The following STK32C variants were observed in gnomAD, a reference collection of about 807,000 sequenced individuals.
The protein encoded by STK32C is serine/threonine-protein kinase 32C.
STK32C carries 31 observed loss-of-function variants against 56.5 expected under a neutral mutation model. That is an observed-to-expected ratio of 0.55 (90% confidence interval 0.41 to 0.74). The LOEUF (loss-of-function observed/expected upper bound fraction) is 0.74. Ranked by LOEUF, STK32C falls within the 30% of genes least tolerant of loss-of-function variation. The pLI, the probability that STK32C is intolerant of heterozygous loss-of-function variation, is 0.00. For synonymous variants in STK32C, 309 were observed against 289.4 expected, an observed-to-expected ratio of 1.07 and a Z score of -0.69; for missense variants, 544 against 676.9, an observed-to-expected ratio of 0.80 and a Z score of 2.18.
chr10:132,330,241 G>C (rs1398056447), intron 1 of STK32C: 8 of 557,804 alleles, frequency 1.4e-5, no homozygotes, highest in Admixed American at 3.0e-5. Context: ...TGAAAAATGT[G>C]AAACAAAAAC....
intron 1 of STK32C, among the ~76,000 whole-genome samples, chr10:132,254,535 C>T (rs1454290359): frequency 6.6e-5 from 7 of 105,962 alleles, no homozygotes; most frequent in Non-Finnish European, 1.1e-4. Flanking sequence ...ATAAGCCTGC[C>T]GCAGGGTGCC....
At chr10:132,280,864 T>A (rs888671016) in intron 1 of STK32C, among the ~76,000 whole-genome samples, 5 of 109,010 alleles carry the variant, frequency 4.6e-5, no homozygotes, top group Admixed American at 2.6e-4. Flanking sequence ...GAGGCCTCCA[T>A]GCCGTGACCA....
chr10:132,224,693 G>A (rs568151011), intron 7 of STK32C, among the ~76,000 whole-genome samples, 170 bp from the exon 8 acceptor site: 1 of 152,038 alleles, frequency 6.6e-6, no homozygotes, highest in South Asian at 2.1e-4. Context: ...GCCTGGGTGA[G>A]ATAAAGCTTA....
In STK32C at chr10:132,304,264, G is replaced by A. The variant is rs564830385; in HGVS notation, c.262+3308C>T. 7.2e-5 allele frequency among the ~76,000 whole-genome samples: 11 copies of A among 152,038 alleles called. 1 individual carries two copies. The highest frequency in any genetic ancestry group is 1.9e-4 in the East Asian group (1 of 5,176). On this transcript the variant is annotated intron_variant, in intron 1 of 11. Transcript: ENST00000298630. The stretch of plus-strand genomic sequence containing the variant: ...CTGCAGAGTCGGGAATCTCAGCCTC[G>A]ACTGCTGGTAAAACTCAAGAGGGGC...
intron 7 of STK32C, 84 bp from the exon 8 acceptor site, chr10:132,224,607 T>A: frequency 9.9e-7 from 1 of 1,007,184 alleles, no homozygotes; most frequent in Non-Finnish European, 1.5e-6. Flanking sequence ...GCCATCGCCC[T>A]GAGAGGACCC....
Position 132,207,586 on chromosome 10 carries a change from C to A in STK32C, c.*424G>T. On this transcript the variant is annotated 3_prime_UTR_variant, in exon 12 of 12. Transcript: ENST00000298630. ...AAAACATTCACCTCCCCACCCACTA[C>A]CCCAACCCATGCCCTTGACCTCCAA... 5.8e-6 allele frequency: 1 copy of A among 171,160 alleles called. No individual in the cohort carries two copies. Among genetic ancestry groups the A allele is most frequent in the African/African-American group, 2.4e-5 (1 of 42,448 alleles). The allele number at this position is 171,160 out of a possible 1,614,324, so 10.6% of individuals were successfully genotyped here.
chr10:132,209,303 G>A (rs559902040), intron 10 of STK32C: 16 of 709,740 alleles, frequency 2.3e-5, no homozygotes, highest in African/African-American at 1.9e-4. Flanking sequence ...ACCCAAGCCC[G>A]AGGATGCCAA....
chr10:132,306,543 C>T (rs1296552627), intron 1 of STK32C, among the ~76,000 whole-genome samples: 1 of 152,224 alleles, frequency 6.6e-6, no homozygotes, highest in Non-Finnish European at 1.5e-5. Context: ...CACTCACCAA[C>T]GCCGGCCTGA....
chr10:132,232,230 C>A (rs938696138), intron 2 of STK32C, among the ~76,000 whole-genome samples: 10 of 152,220 alleles, frequency 6.6e-5, no homozygotes, highest in African/African-American at 2.4e-4. Context: ...CACTAGGACC[C>A]GCCCTCTGAG....
At chr10:132,225,113 G>C (rs2062837886) in intron 7 of STK32C, 120 bp downstream of exon 7, 9 of 730,930 alleles carry the variant, frequency 1.2e-5, no homozygotes, top group Non-Finnish European at 2.0e-5. Flanking sequence ...TGACTCCTCA[G>C]ACACAGTGGA....
intron 1 of STK32C, among the ~76,000 whole-genome samples, chr10:132,247,108 C>T (rs953169642): frequency 6.6e-6 from 1 of 152,210 alleles, no homozygotes; most frequent in Non-Finnish European, 1.5e-5. Flanking sequence ...ACAGCCAAGG[C>T]CAGAGGCAGA....
chr10:132,281,407 A>G (rs1290048206), intron 1 of STK32C, among the ~76,000 whole-genome samples: 1 of 152,100 alleles, frequency 6.6e-6, no homozygotes, highest in Non-Finnish European at 1.5e-5. Context: ...ACAACATAAA[A>G]CAGACAGTGC....
At chr10:132,289,515 T>C (rs1316729310) in intron 1 of STK32C, among the ~76,000 whole-genome samples, 1 of 152,220 alleles carries the variant, frequency 6.6e-6, no homozygotes, top group East Asian at 1.9e-4. Context: ...GCCACACAAA[T>C]GACTGTCTCA....
intron 10 of STK32C, among the ~76,000 whole-genome samples, chr10:132,221,853 G>A (rs2062675772): frequency 9.0e-6 from 1 of 111,694 alleles, no homozygotes; most frequent in African/African-American, 3.0e-5. Context: ...GAGTGTGAGG[G>A]CTTCACGTGG....
At chr10:132,276,274 C>T (rs2064996204) in intron 1 of STK32C, among the ~76,000 whole-genome samples, 1 of 152,308 alleles carries the variant, frequency 6.6e-6, no homozygotes, top group South Asian at 2.1e-4. Context: ...GATGAGATGC[C>T]ACCACGCCAA....
chr10:132,282,463 G>A (rs1158183696), intron 1 of STK32C, among the ~76,000 whole-genome samples: 13 of 120,436 alleles, frequency 1.1e-4, no homozygotes, highest in East Asian at 6.7e-4. Context: ...CTGTGCCTGC[G>A]CCCACCTGTA....
In STK32C at chr10:132,220,151, G is replaced by C. The variant is rs1450005738; in HGVS notation, c.1251+2490C>G. ...TTGCAGATATCATCAAGATAAGATG[G>C]GGCCATACTGGATCAGGGTGGGCCC... On this transcript the variant is annotated intron_variant, in intron 10 of 11. Transcript: ENST00000298630. 3.3e-5 allele frequency among the ~76,000 whole-genome samples: 5 copies of C among 152,354 alleles called. No individual in the cohort carries two copies. In the East Asian group the frequency reaches 7.7e-4, roughly 24 times the overall value.
chr10:132,267,366 C>A lies in STK32C; in HGVS notation c.263-21411G>T, dbSNP rs1222938977. 4.6e-5 allele frequency among the ~76,000 whole-genome samples: 7 copies of A among 152,324 alleles called. No homozygotes were observed. The South Asian group carries it at 1.0e-3, about 23-fold the overall frequency. ...GTGTGCCTGTGGGTGTAGCTCTGCACATGTGAATGTGCATGTGTGTCTGTA... is the reference window on the plus strand; with the variant it reads ...GTGTGCCTGTGGGTGTAGCTCTGCAAATGTGAATGTGCATGTGTGTCTGTA... On this transcript the variant is annotated intron_variant, in intron 1 of 11. Transcript: ENST00000298630.
chr10:132,242,617 C>A (rs2137895060), intron 2 of STK32C, among the ~76,000 whole-genome samples: 1 of 152,256 alleles, frequency 6.6e-6, no homozygotes, highest in Admixed American at 6.5e-5. Flanking sequence ...CTCCGAGGGC[C>A]CTGTAGTCTC....
Sources: allele counts gnomAD v4.1 joint callset (sites outside exome capture counted in the v4.1 genomes callset), GRCh38; gene constraint gnomAD v4.1.1; transcripts MANE v1.5; gene names NCBI Gene and HGNC (gene_info 2026-07-23, HGNC 2026-07-21).